Variants in LINGO2 observed in about 807,000 individuals in gnomAD.
The protein encoded by LINGO2 is leucine-rich repeat and immunoglobulin-like domain-containing nogo receptor-interacting protein 2.
A neutral mutation model predicts 30.6 loss-of-function variants in LINGO2; 14 were observed. The observed-to-expected ratio is 0.46, with a 90% CI of 0.30 to 0.72. The LOEUF (loss-of-function observed/expected upper bound fraction) is 0.72. Ranked by LOEUF, LINGO2 falls within the 30% of genes least tolerant of loss-of-function variation. The pLI, the probability that LINGO2 is intolerant of heterozygous loss-of-function variation, is 0.07. For missense variants in LINGO2, 729 were observed against 751.7 expected (o/e 0.97, Z 0.35); for synonymous variants, 317 against 288.5 (o/e 1.10, Z -1.00).
chr9:28,794,139 A>T, the LINGO2 span, among the ~76,000 whole-genome samples: 4 of 152,146 alleles, frequency 2.6e-5, no homozygotes, highest in Non-Finnish European at 4.4e-5. Flanking sequence ...CCCCGTCTGT[A>T]CTAAAAATAC....
intron 4 of LINGO2, among the ~76,000 whole-genome samples, chr9:28,155,638 C>T (rs1323428250): frequency 6.6e-6 from 1 of 152,118 alleles, no homozygotes. Context: ...GAGACAAAAT[C>T]AGCCCTGGAT....
rs187287338 is a variant in LINGO2 at position 28,615,894 on chromosome 9, A to G, written c.-365+54306T>C. 1.3e-3 allele frequency among the ~76,000 whole-genome samples: 202 copies of G among 152,290 alleles called. 1 individual carries two copies. The highest frequency in any genetic ancestry group is 4.6e-3 in the African/African-American group (192 of 41,574). ...ATGGATCTTGTAAACAGGAGAGTAA[A>G]AAAAGCAGGCAGAAAAGAATATATA... On this transcript the variant is annotated intron_variant, in intron 1 of 5. Coordinates refer to ENST00000379992, the Ensembl canonical transcript of LINGO2.
the LINGO2 span, among the ~76,000 whole-genome samples, chr9:29,083,831 C>T: frequency 6.6e-6 from 1 of 152,074 alleles, no homozygotes; most frequent in African/African-American, 2.4e-5. Flanking sequence ...CACTTGTGAA[C>T]ATCATTTCCA....
At chr9:28,583,726 T>C (rs1374598844) in intron 1 of LINGO2, among the ~76,000 whole-genome samples, 1 of 152,082 alleles carries the variant, frequency 6.6e-6, no homozygotes, top group African/African-American at 2.4e-5. Flanking sequence ...ATAAAAGATG[T>C]TGGCTGTTCT....
the LINGO2 span, among the ~76,000 whole-genome samples, chr9:28,990,212 C>T: frequency 6.6e-6 from 1 of 152,314 alleles, no homozygotes; most frequent in Non-Finnish European, 1.5e-5. Context: ...ATCCCGCATC[C>T]GGCTCGGAGG....
the LINGO2 span, among the ~76,000 whole-genome samples, chr9:29,169,102 C>T: frequency 1.3e-5 from 2 of 151,998 alleles, no homozygotes; most frequent in Admixed American, 1.3e-4. Context: ...CATGCACCAC[C>T]GCACCTGGCT....
intron 1 of LINGO2, among the ~76,000 whole-genome samples, chr9:28,586,718 G>A (rs909765906): frequency 1.3e-5 from 2 of 151,978 alleles, no homozygotes; most frequent in Non-Finnish European, 2.9e-5. Flanking sequence ...AAGGAAAGAA[G>A]TCAATTTCAG....
At position 28,433,923 on chromosome 9, in the gene LINGO2, T is replaced by TCTCTCTCTCTCTCTCTCTCTC. The variant is rs1564196132; in HGVS notation, c.-279+42016_-279+42017insGAGAGAGAGAGAGAGAGAGAG. On this transcript the variant is annotated intron_variant, in intron 2 of 5. Coordinates refer to ENST00000379992, the Ensembl canonical transcript of LINGO2. ...TGGATAAAGAAAATGTGCTCTCTCT[T>TCTCTCTCTCTCTCTCTCTCTC]TCTCTCTCTCTCTCTCTCTCTCTCT... 2.3e-3 allele frequency among the ~76,000 whole-genome samples: 257 copies of TCTCTCTCTCTCTCTCTCTCTC among 109,802 alleles called. 48 individuals are homozygous for TCTCTCTCTCTCTCTCTCTCTC. The highest frequency in any genetic ancestry group is 3.9e-3 in the Non-Finnish European group (194 of 49,866). The allele number at this position is 109,802 out of a possible 152,430, so 72.0% of individuals were successfully genotyped here. A position where few individuals can be genotyped will look rare whatever the true frequency, so the allele number is the denominator to read the frequency against.
At chr9:28,061,702 G>A (rs988050691) in intron 4 of LINGO2, among the ~76,000 whole-genome samples, 2 of 152,002 alleles carry the variant, frequency 1.3e-5, no homozygotes, top group Admixed American at 6.6e-5. Flanking sequence ...CTTCTGAATA[G>A]TAGAATTTTT....
At chr9:28,261,952 C>T (rs1411820986) in intron 4 of LINGO2, among the ~76,000 whole-genome samples, 1 of 151,862 alleles carries the variant, frequency 6.6e-6, no homozygotes, top group African/African-American at 2.4e-5. Flanking sequence ...TAATTACTTT[C>T]CTCCATCATC....
chr9:28,890,249 T>C, the LINGO2 span, among the ~76,000 whole-genome samples: 1 of 151,898 alleles, frequency 6.6e-6, no homozygotes, highest in Non-Finnish European at 1.5e-5. Context: ...AAAGAAGGGG[T>C]TTTGATCTCA....
At chr9:28,074,884 G>C (rs566183949) in intron 4 of LINGO2, among the ~76,000 whole-genome samples, 2 of 151,362 alleles carry the variant, frequency 1.3e-5, no homozygotes, top group Non-Finnish European at 1.5e-5. Context: ...ATAAAGCATT[G>C]TATCTTTTTC....
Position 28,550,476 on chromosome 9 carries a change from CT to C in LINGO2, c.-364-74452del, listed in dbSNP as rs1822215270. On this transcript the variant is annotated intron_variant, in intron 1 of 5. Transcript: ENST00000379992. ...ATATAATTATTTCCAAGCATGCCTT[CT>C]TTTGTCTACTTTTAATTCAATACAC... 2.0e-5 allele frequency among the ~76,000 whole-genome samples: 3 copies of C among 151,772 alleles called. No individual in the cohort carries two copies. The South Asian group carries it at 6.2e-4, about 31-fold the overall frequency.
Position 28,245,120 on chromosome 9 carries a change from C to A in LINGO2, c.-87+50088G>T, listed in dbSNP as rs908542217. Among the ~76,000 whole-genome samples, 4 of 152,162 alleles carry A rather than the reference C, an allele frequency of 2.6e-5. No individual in the cohort carries two copies. The East Asian group carries it at 7.7e-4, about 29-fold the overall frequency. Reference sequence around the variant, plus strand: ...AGTTTATCCACCACTATCGAGTCAGCCTCATCACTGGGATGCAAGACTGGT... The same window carrying A: ...AGTTTATCCACCACTATCGAGTCAGACTCATCACTGGGATGCAAGACTGGT... On this transcript the variant is annotated intron_variant, in intron 4 of 5. Transcript: ENST00000379992.
chr9:28,538,124 G>A (rs73644061), intron 1 of LINGO2, among the ~76,000 whole-genome samples: 2,561 of 151,974 alleles, frequency 0.017, 66 homozygotes, highest in African/African-American at 0.056. Flanking sequence ...AGATATTTTT[G>A]TCCAAGGCAT....
chr9:29,198,202 G>C, the LINGO2 span, among the ~76,000 whole-genome samples: 2 of 152,044 alleles, frequency 1.3e-5, no homozygotes, highest in Admixed American at 1.3e-4. Flanking sequence ...TTTCTGTGTT[G>C]GTTTCAGTTG....
intron 1 of LINGO2, among the ~76,000 whole-genome samples, chr9:28,573,437 C>T (rs1235964706): frequency 6.6e-6 from 1 of 152,070 alleles, no homozygotes; most frequent in Admixed American, 6.6e-5. Context: ...AGCTGTGCCA[C>T]CTCAAAACTC....
At chr9:28,927,177 C>T in the LINGO2 span, among the ~76,000 whole-genome samples, 14 of 152,278 alleles carry the variant, frequency 9.2e-5, no homozygotes, top group Admixed American at 9.2e-4. Context: ...GTGCCCCAAA[C>T]CATAAAGGGA....
intron 2 of LINGO2, among the ~76,000 whole-genome samples, chr9:28,376,900 G>T (rs1331878): frequency 0.28 from 41,992 of 152,008 alleles, 5,980 homozygotes; most frequent in South Asian, 0.45. Context: ...GAACATTTTT[G>T]TGTATGCAGT....
Sources: allele counts gnomAD v4.1 joint callset (sites outside exome capture counted in the v4.1 genomes callset), GRCh38; gene constraint gnomAD v4.1.1; transcripts MANE v1.5; gene names NCBI Gene and HGNC (gene_info 2026-07-23, HGNC 2026-07-21).